Variants in PPP2R1A observed in about 807,000 individuals in gnomAD.
The protein encoded by PPP2R1A is protein phosphatase 2 scaffold subunit Aalpha, also known as serine/threonine-protein phosphatase 2A 65 kDa regulatory subunit A alpha isoform.
PPP2R1A carries 15 observed loss-of-function variants against 67.1 expected under a neutral mutation model. The ratio of observed to expected loss-of-function variants is 0.22; its 90% CI spans 0.15 to 0.34. The LOEUF (loss-of-function observed/expected upper bound fraction) is 0.34, where lower values mean the gene tolerates loss of function less well. Ranked by LOEUF, PPP2R1A falls within the 10% of genes least tolerant of loss-of-function variation. The probability of loss-of-function intolerance (pLI) is 1.00; values close to 1 mark genes in which losing one functional copy is unlikely to be tolerated. For synonymous variants in PPP2R1A, 337 were observed against 325.0 expected (o/e 1.04, Z -0.40); for missense variants, 369 against 775.0 (o/e 0.48, Z 6.22).
chr19:52,192,622 G>A (rs796892245), intron 1 of PPP2R1A, among the ~76,000 whole-genome samples: 39 of 151,804 alleles, frequency 2.6e-4, no homozygotes, highest in African/African-American at 8.5e-4. Flanking sequence ...CCAGTTTTTT[G>A]TTTTTTTTAA....
rs1391174880 is a variant in PPP2R1A, at chr19:52,227,748, G to T, written c.*1767G>T. 6.6e-6 allele frequency: 1 copy of T among 152,138 alleles called. No individual in the cohort carries two copies. The highest frequency in any genetic ancestry group is 1.5e-5 in the Non-Finnish European group (1 of 68,026). 9.4% of individuals were successfully genotyped at this position (152,138 alleles called of 1,614,324 possible). ...AGCATCTTTAGAAATTTCCATTTAT[G>T]CCCTGGGCGATAAACTCTCTCCCAG... On this transcript the variant is annotated 3_prime_UTR_variant, in exon 15 of 15. Transcript: ENST00000322088.
At position 52,207,589 on chromosome 19, in the gene PPP2R1A, T is replaced by C. The variant is rs922096917; in HGVS notation, c.270+1526T>C. Among the ~76,000 whole-genome samples the C allele has an allele frequency of 5.9e-5, 9 of 152,328 alleles. No homozygotes were observed. The South Asian group carries it at 6.2e-4, about 11-fold the overall frequency. ...TTCATGTCAGCCAGCAGACACATCC[T>C]GGGGCTGTCTGGGCCAGGCAGTGCT... On this transcript the variant is annotated intron_variant, in intron 3 of 14. Coordinates refer to ENST00000322088, the MANE Select transcript of PPP2R1A (RefSeq NM_014225.6).
At chr19:52,190,764 G>A (rs1215842807) in intron 1 of PPP2R1A, among the ~76,000 whole-genome samples, 1 of 152,200 alleles carries the variant, frequency 6.6e-6, no homozygotes, top group Non-Finnish European at 1.5e-5. Context: ...AAGTTTAGGA[G>A]CGAATTAGGT....
chr19:52,207,674 A>G (rs2089618570), intron 3 of PPP2R1A, among the ~76,000 whole-genome samples: 2 of 152,358 alleles, frequency 1.3e-5, no homozygotes, highest in African/African-American at 4.8e-5. Context: ...TGCAGTGCAC[A>G]TCCCAAGAGC....
intron 1 of PPP2R1A, among the ~76,000 whole-genome samples, chr19:52,190,605 C>G (rs935231926): frequency 6.6e-6 from 1 of 152,112 alleles, no homozygotes; most frequent in African/African-American, 2.4e-5. Flanking sequence ...TTTTTGTTTT[C>G]TGGGTTTCGA....
chr19:52,208,445 A>G (rs896018215), intron 3 of PPP2R1A, among the ~76,000 whole-genome samples: 1 of 152,314 alleles, frequency 6.6e-6, no homozygotes, highest in East Asian at 1.9e-4. Context: ...CTAGGATTAC[A>G]GGTGTGAGCC....
intron 13 of PPP2R1A, among the ~76,000 whole-genome samples, chr19:52,225,011 CT>C (rs61015844): frequency 0.011 from 1,120 of 101,044 alleles, 4 homozygotes; most frequent in African/African-American, 0.037. Flanking sequence ...TTGAGTTTAC[CT>C]TTTTTTTTTT....
chr19:52,220,963 C>T lies in PPP2R1A; in HGVS notation c.1364-16C>T, dbSNP rs8100816. 1.9e-6 allele frequency: 3 copies of T among 1,613,768 alleles called. No homozygotes were observed. The highest frequency in any genetic ancestry group is 2.2e-5 in the East Asian group (1 of 44,878). ...ACCTCCAAATCCCTGTCTCTCTCAC[C>T]CTCACCCTTCTGCAGTATATGCCAT... On this transcript the variant is annotated splice_polypyrimidine_tract_variant and intron_variant, in intron 11 of 14. Coordinates refer to ENST00000322088, the MANE Select transcript of PPP2R1A (RefSeq NM_014225.6).
intron 11 of PPP2R1A, 143 bp from the exon 12 acceptor site, chr19:52,220,835 TA>T: frequency 1.1e-6 from 1 of 905,008 alleles, no homozygotes; most frequent in Non-Finnish European, 1.7e-6. Flanking sequence ...TAGCACATAG[TA>T]AGTCCTTTTT....
At chr19:52,195,923 C>G (rs186643213) in intron 1 of PPP2R1A, among the ~76,000 whole-genome samples, 2 of 152,310 alleles carry the variant, frequency 1.3e-5, no homozygotes, top group East Asian at 3.9e-4. Flanking sequence ...CCTTCAGCCC[C>G]TCTCCGATCC....
chr19:52,225,745 C>A lies in PPP2R1A; in HGVS notation c.1690C>A (p.Leu564Ile). 2 of 1,614,174 alleles carry A rather than the reference C, an allele frequency of 1.2e-6. No individual in the cohort carries two copies. Among genetic ancestry groups the A allele is most frequent in the South Asian group, 1.1e-5 (1 of 91,086 alleles). ...STLQSEVKPI[L>I]EKLTQDQDVD... is the part of the protein sequence containing the mutation. ...CTTGCAGAGTGAAGTCAAGCCCATC[C>A]TAGAGAAGCTGACCCAGGACCAGGA... The change falls in exon 14 of 15, where the codon CTA (leucine) becomes ATA (isoleucine). Residue 564 changes from leucine (L) to isoleucine (I), a missense_variant. By Grantham distance (5) the Leu-to-Ile change is conservative (BLOSUM62 2). This residue lies in a region of PPP2R1A where 276 missense variants were observed against 508.4 expected (regional missense o/e 0.54). Coordinates refer to ENST00000322088, the MANE Select transcript of PPP2R1A (RefSeq NM_014225.6).
At chr19:52,205,126 G>A (rs942875462) in intron 2 of PPP2R1A, among the ~76,000 whole-genome samples, 2 of 152,164 alleles carry the variant, frequency 1.3e-5, no homozygotes, top group Admixed American at 6.5e-5. Flanking sequence ...AAATGCAGTC[G>A]GCTGCTGGAT....
chr19:52,190,198 G>C (rs762551541), intron 1 of PPP2R1A, 24 bp downstream of exon 1: 1 of 1,548,716 alleles, frequency 6.5e-7, no homozygotes, highest in South Asian at 1.2e-5. Context: ...GGGGGACTTG[G>C]GGAAGACGCG....
In PPP2R1A at chr19:52,219,614, C is replaced by T. The variant is rs972154071; in HGVS notation, c.1129-77C>T. On this transcript the variant is annotated intron_variant, in intron 9 of 14. Transcript: ENST00000322088. The surrounding 1 kb of genome is among the most constrained non-coding windows in gnomAD (Gnocchi z 4.0). ...CGGGAGATGTCCATAAAAGTTGATGCAGCTGAGCTCTTTCCATCCTGTCCT... is the reference window on the plus strand; with the variant it reads ...CGGGAGATGTCCATAAAAGTTGATGTAGCTGAGCTCTTTCCATCCTGTCCT... The T allele has an allele frequency of 2.7e-5, 39 of 1,430,802 alleles. No homozygotes were observed. The highest frequency in any genetic ancestry group is 3.6e-5 in the Non-Finnish European group (38 of 1,050,366). 88.6% of individuals were successfully genotyped at this position (1,430,802 alleles called of 1,614,324 possible). A position where few individuals can be genotyped will look rare whatever the true frequency, so the allele number is the denominator to read the frequency against.
In PPP2R1A at chr19:52,212,588, A is replaced by AT. The variant is rs1308977139; in HGVS notation, c.504-96dup. The AT allele has an allele frequency of 1.5e-5, 21 of 1,437,216 alleles. No individual in the cohort carries two copies. Among genetic ancestry groups the AT allele is most frequent in the Non-Finnish European group, 1.9e-5 (20 of 1,063,842 alleles). 89.0% of individuals were successfully genotyped at this position (1,437,216 alleles called of 1,614,324 possible). ...AGGGGGTCATCACTTGCCCAAGGTC[A>AT]TTCAGCTAAAACCTGGACCCACACA... On this transcript the variant is annotated intron_variant, in intron 4 of 14. Coordinates refer to ENST00000322088, the MANE Select transcript of PPP2R1A (RefSeq NM_014225.6). The surrounding 1 kb of genome is among the most constrained non-coding windows in gnomAD (Gnocchi z 4.1).
intron 2 of PPP2R1A, among the ~76,000 whole-genome samples, chr19:52,205,692 C>A (rs980374310): frequency 6.6e-6 from 1 of 152,168 alleles, no homozygotes. Context: ...ATTTTACAGA[C>A]GCAGAAGCTG....
In PPP2R1A at chr19:52,219,971, A is replaced by G; in HGVS notation, c.1302+107A>G. On this transcript the variant is annotated intron_variant, in intron 10 of 14. Transcript: ENST00000322088. This position sits in a 1 kb window ranked among gnomAD's most constrained non-coding sequence, Gnocchi z 4.0. The stretch of plus-strand genomic sequence containing the variant: ...CTTTGAAGGCTTAGTGGAGGCTGTG[A>G]CAACTGCCTGGGGAGTCGAAGGAAG... The G allele has an allele frequency of 7.2e-7, 1 of 1,393,118 alleles. No homozygotes were observed. Among genetic ancestry groups the G allele is most frequent in the Non-Finnish European group, 9.6e-7 (1 of 1,036,350 alleles). The allele number at this position is 1,393,118 out of a possible 1,614,324, so 86.3% of individuals were successfully genotyped here. A position where few individuals can be genotyped will look rare whatever the true frequency, so the allele number is the denominator to read the frequency against.
Position 52,212,590 on chromosome 19 carries a change from T to C in PPP2R1A, c.504-96T>C, listed in dbSNP as rs1296028890. The C allele has an allele frequency of 6.9e-7, 1 of 1,448,782 alleles. No individual in the cohort carries two copies. Among genetic ancestry groups the C allele is most frequent in the African/African-American group, 1.4e-5 (1 of 71,114 alleles). The allele number at this position is 1,448,782 out of a possible 1,614,324, so 89.7% of individuals were successfully genotyped here. ...GGGGTCATCACTTGCCCAAGGTCAT[T>C]CAGCTAAAACCTGGACCCACACAAC... On this transcript the variant is annotated intron_variant, in intron 4 of 14. Transcript: ENST00000322088. The surrounding 1 kb of genome is among the most constrained non-coding windows in gnomAD (Gnocchi z 4.1).
At chr19:52,193,209 G>C (rs958598971) in intron 1 of PPP2R1A, among the ~76,000 whole-genome samples, 6 of 152,204 alleles carry the variant, frequency 3.9e-5, no homozygotes, top group African/African-American at 1.4e-4. Context: ...AAATGAAGGA[G>C]CCAGGAAAGG....
Sources: gnomAD v4.1 joint callset for allele counts (sites outside exome capture counted in the v4.1 genomes callset) on GRCh38, gnomAD v4.1.1 for gene constraint, gnomAD v4.1.1 regional missense constraint, Gnocchi (gnomAD v3.1) non-coding constraint, MANE v1.5 for transcripts, NCBI Gene and HGNC (gene_info 2026-07-23, HGNC 2026-07-21) for gene names.